The following DMRT1 variants were observed in gnomAD, a reference collection of about 807,000 sequenced individuals.
DMRT1 encodes doublesex and mab-3 related transcription factor 1.
Under a neutral mutation model 32.3 loss-of-function variants are expected in DMRT1, and 7 were observed. The observed-to-expected ratio is 0.22, with a 90% CI of 0.12 to 0.41. The LOEUF (loss-of-function observed/expected upper bound fraction) is 0.41. Among genes scored for constraint, DMRT1 ranks in the 10% least tolerant of loss-of-function variants. DMRT1 has a pLI of 1.00. For missense variants in DMRT1, 625 were observed against 500.5 expected (o/e 1.25, Z -2.37); for synonymous variants, 278 against 206.1 (o/e 1.35, Z -2.99).
At chr9:871,484 C>G (rs1239160342) in intron 2 of DMRT1, among the ~76,000 whole-genome samples, 1 of 150,218 alleles carries the variant, frequency 6.7e-6, no homozygotes, top group African/African-American at 2.5e-5. Flanking sequence ...AGGCATGCGC[C>G]ACCACGCCCG....
Position 862,100 on chromosome 9 carries a change from G to A in DMRT1, c.538+14957G>A, listed in dbSNP as rs553600258. ...ACGCTCCTCACTTCCTAGACGGGGT[G>A]GCGGCTGGGCAGAGGCTGCAATCTC... On this transcript the variant is annotated intron_variant, in intron 2 of 4. Transcript: ENST00000382276. 2.2e-3 allele frequency among the ~76,000 whole-genome samples: 264 copies of A among 119,788 alleles called. 2 individuals are homozygous for A. The highest frequency in any genetic ancestry group is 7.0e-3 in the African/African-American group (254 of 36,532). 78.6% of individuals were successfully genotyped at this position (119,788 alleles called of 152,430 possible). A position where few individuals can be genotyped will look rare whatever the true frequency, so the allele number is the denominator to read the frequency against.
At chr9:851,861 G>A (rs1815152178) in intron 2 of DMRT1, among the ~76,000 whole-genome samples, 3 of 152,016 alleles carry the variant, frequency 2.0e-5, no homozygotes, top group Admixed American at 1.3e-4. Flanking sequence ...TATTACTGTG[G>A]AAAGAAATAG....
chr9:938,227 T>G (rs1384994433), intron 4 of DMRT1, among the ~76,000 whole-genome samples: 1 of 152,200 alleles, frequency 6.6e-6, no homozygotes, highest in African/African-American at 2.4e-5. Context: ...AATTTTGTTC[T>G]TTCTTTTCAG....
intron 2 of DMRT1, among the ~76,000 whole-genome samples, chr9:854,142 A>G (rs1325070876): frequency 2.0e-5 from 3 of 150,222 alleles, no homozygotes; most frequent in African/African-American, 4.9e-5. Context: ...CAAGAGACAG[A>G]GGTTCGTTCT....
At chr9:847,225 CT>C (rs1251321065) in intron 2 of DMRT1, 82 bp downstream of exon 2, 1 of 1,421,142 alleles carries the variant, frequency 7.0e-7, no homozygotes, top group Admixed American at 1.8e-5. Context: ...CAGGGCTCCC[CT>C]GAGCTACATA....
intron 2 of DMRT1, among the ~76,000 whole-genome samples, chr9:867,857 C>A (rs1816060658): frequency 6.6e-6 from 1 of 152,176 alleles, no homozygotes; most frequent in Admixed American, 6.5e-5. Flanking sequence ...GATATATTTT[C>A]TCTGTAAGTG....
At chr9:845,433 C>G (rs1838865366) in intron 1 of DMRT1, among the ~76,000 whole-genome samples, 1 of 152,024 alleles carries the variant, frequency 6.6e-6, no homozygotes, top group Admixed American at 6.6e-5. Context: ...GTCTCGAGCT[C>G]CTGACCTCAG....
At chr9:863,557 A>G (rs956124442) in intron 2 of DMRT1, among the ~76,000 whole-genome samples, 4 of 152,178 alleles carry the variant, frequency 2.6e-5, no homozygotes, top group Admixed American at 2.6e-4. Flanking sequence ...AGTCCTACTA[A>G]CACACAGGGA....
At chr9:843,153 C>G (rs1838761303) in intron 1 of DMRT1, among the ~76,000 whole-genome samples, 1 of 152,180 alleles carries the variant, frequency 6.6e-6, no homozygotes, top group Non-Finnish European at 1.5e-5. Flanking sequence ...CTGAGTTGCA[C>G]TTAAATTAGA....
chr9:945,087 A>G (rs1819198995), intron 4 of DMRT1, among the ~76,000 whole-genome samples: 1 of 152,212 alleles, frequency 6.6e-6, no homozygotes, highest in African/African-American at 2.4e-5. Flanking sequence ...GCATTTTCAA[A>G]AAGTGAAAAT....
rs528424562 is a variant in DMRT1 at position 860,275 on chromosome 9, C to T, written c.538+13132C>T. On this transcript the variant is annotated intron_variant, in intron 2 of 4. Transcript: ENST00000382276. ...TCGTGCCATTGTACTCCAGCCTGGG[C>T]GACAGAGCGAGACTCTGTCTCAAAA... Among the ~76,000 whole-genome samples, 258 of 151,896 alleles carry T rather than the reference C, an allele frequency of 1.7e-3. 2 individuals carry two copies. The highest frequency in any genetic ancestry group is 6.0e-3 in the African/African-American group (249 of 41,432).
chr9:940,661 T>C (rs1819034732), intron 4 of DMRT1, among the ~76,000 whole-genome samples: 1 of 152,044 alleles, frequency 6.6e-6, no homozygotes, highest in Non-Finnish European at 1.5e-5. Context: ...GGATATGACA[T>C]TAAAGGCTCA....
Position 842,396 on chromosome 9 carries a change from G to C in DMRT1, c.354+204G>C, listed in dbSNP as rs1007959097. On this transcript the variant is annotated intron_variant, in intron 1 of 4. Transcript: ENST00000382276. ...ACTACAGGCGCACACCACCATGCCC[G>C]GCTAATTTTTGTATTTTTAGTAGAG... 4 of 662,222 alleles carry C rather than the reference G, an allele frequency of 6.0e-6. No individual in the cohort carries two copies. The Admixed American group carries it at 1.2e-4, about 20-fold the overall frequency. The allele number at this position is 662,222 out of a possible 1,614,324, so 41.0% of individuals were successfully genotyped here.
At chr9:863,418 T>C (rs1815818073) in intron 2 of DMRT1, among the ~76,000 whole-genome samples, 1 of 151,878 alleles carries the variant, frequency 6.6e-6, no homozygotes, top group Non-Finnish European at 1.5e-5. Context: ...GTTTCCAGGC[T>C]TGACAGAGAC....
At chr9:858,198 T>A (rs1815487204) in intron 2 of DMRT1, among the ~76,000 whole-genome samples, 1 of 152,170 alleles carries the variant, frequency 6.6e-6, no homozygotes, top group Non-Finnish European at 1.5e-5. Flanking sequence ...ACAGCTGTCC[T>A]TCATGTGGCC....
intron 3 of DMRT1, among the ~76,000 whole-genome samples, chr9:912,710 G>A (rs1818031906): frequency 6.6e-6 from 1 of 152,052 alleles, no homozygotes. Context: ...ATAGGGGATT[G>A]TTGGGATCTC....
At chr9:847,434 C>T (rs558332319) in intron 2 of DMRT1, among the ~76,000 whole-genome samples, 2 of 152,096 alleles carry the variant, frequency 1.3e-5, no homozygotes, top group African/African-American at 4.8e-5. Context: ...CTCAGTCCAC[C>T]CCTTCATTTT....
chr9:906,499 C>T (rs1014969416), intron 3 of DMRT1, among the ~76,000 whole-genome samples: 2 of 152,210 alleles, frequency 1.3e-5, no homozygotes, highest in African/African-American at 4.8e-5. Context: ...CTTGATGTCG[C>T]AGCCCTGGAG....
At chr9:870,655 G>T (rs1816203773) in intron 2 of DMRT1, among the ~76,000 whole-genome samples, 1 of 141,454 alleles carries the variant, frequency 7.1e-6, no homozygotes, top group Non-Finnish European at 1.5e-5. Context: ...GAGTCTAAAG[G>T]CTTTGCTTAT....
Sources: allele counts gnomAD v4.1 joint callset (sites outside exome capture counted in the v4.1 genomes callset), GRCh38; gene constraint gnomAD v4.1.1; transcripts MANE v1.5; gene names NCBI Gene and HGNC (gene_info 2026-07-23, HGNC 2026-07-21).